Variants in KIRREL3 observed in about 807,000 individuals in gnomAD.
The protein encoded by KIRREL3 is kin of IRRE-like protein 3.
In KIRREL3, 36 loss-of-function variants were observed where a neutral mutation model predicts 89.7. The observed-to-expected ratio is 0.40, with a 90% confidence interval of 0.31 to 0.53. The LOEUF (loss-of-function observed/expected upper bound fraction) is 0.53, where lower values mean the gene tolerates loss of function less well. Among genes scored for constraint, KIRREL3 ranks in the 20% least tolerant of loss-of-function variants. The pLI, the probability that KIRREL3 is intolerant of heterozygous loss-of-function variation, is 0.49. For missense variants in KIRREL3, 864 were observed against 1,056.6 expected, an observed-to-expected ratio of 0.82 and a Z score of 2.53; for synonymous variants, 445 against 441.4, an observed-to-expected ratio of 1.01 and a Z score of -0.10.
At chr11:126,658,933 A>G (rs1373787264) in intron 1 of KIRREL3, among the ~76,000 whole-genome samples, 2 of 152,058 alleles carry the variant, frequency 1.3e-5, no homozygotes, top group Non-Finnish European at 2.9e-5. Context: ...CAAAGTGACA[A>G]CCCCATTTTA....
rs983290411 is a variant in KIRREL3 at position 126,477,211 on chromosome 11, G to A, written c.434-3745C>T. Among the ~76,000 whole-genome samples, 1 of 152,216 alleles carries A rather than the reference G, an allele frequency of 6.6e-6. No homozygotes were observed. The highest frequency in any genetic ancestry group is 1.5e-5 in the Non-Finnish European group (1 of 68,044). ...TTGATTATGAAAGAAACACATCATC[G>A]CGGGATGCTGAGCTCTTTACAGTTT... On this transcript the variant is annotated intron_variant, in intron 4 of 16. Transcript: ENST00000525144. This position sits in a 1 kb window ranked among gnomAD's most constrained non-coding sequence, Gnocchi z 4.8.
chr11:126,889,508 A>G (rs1945826911), intron 1 of KIRREL3, among the ~76,000 whole-genome samples: 1 of 152,152 alleles, frequency 6.6e-6, no homozygotes, highest in Non-Finnish European at 1.5e-5. Context: ...TGGAAAAAAA[A>G]AGGAGAAGAA....
intron 1 of KIRREL3, among the ~76,000 whole-genome samples, chr11:126,930,855 G>A (rs923011178): frequency 4.6e-5 from 7 of 152,300 alleles, no homozygotes; most frequent in African/African-American, 1.7e-4. Context: ...GCTCTTCAGA[G>A]TCTGCAGACA....
intron 1 of KIRREL3, among the ~76,000 whole-genome samples, chr11:126,902,626 G>A (rs1946417369): frequency 6.6e-6 from 1 of 152,240 alleles, no homozygotes; most frequent in South Asian, 2.1e-4. Flanking sequence ...ACAGAGAAGT[G>A]TGCGTCAAAG....
chr11:126,984,507 C>T (rs1949803233), intron 1 of KIRREL3, among the ~76,000 whole-genome samples: 1 of 152,132 alleles, frequency 6.6e-6, no homozygotes, highest in Non-Finnish European at 1.5e-5. Context: ...AAAAGGTTGC[C>T]CTGGGAAAAG....
Position 126,714,674 on chromosome 11 carries a change from T to C in KIRREL3, c.56-151762A>G, listed in dbSNP as rs547530778. Among the ~76,000 whole-genome samples, 160 of 152,284 alleles carry C rather than the reference T, an allele frequency of 1.1e-3. 2 individuals carry two copies. In the South Asian group the frequency reaches 0.024, roughly 23 times the overall value. ...GTTGCACGGTGGGCTGACTGCCAGTTGCACACAGTGGTATCTACATGATGA... is the reference window on the plus strand; with the variant it reads ...GTTGCACGGTGGGCTGACTGCCAGTCGCACACAGTGGTATCTACATGATGA... On this transcript the variant is annotated intron_variant, in intron 1 of 16. Transcript: ENST00000525144.
intron 1 of KIRREL3, among the ~76,000 whole-genome samples, chr11:126,920,942 C>T (rs1282203270): frequency 6.6e-6 from 1 of 152,188 alleles, no homozygotes; most frequent in Non-Finnish European, 1.5e-5. Flanking sequence ...CTGAATTATG[C>T]GATACCCAGA....
chr11:126,619,029 C>A (rs1943471753), intron 1 of KIRREL3, among the ~76,000 whole-genome samples: 2 of 151,730 alleles, frequency 1.3e-5, no homozygotes, highest in South Asian at 4.1e-4. Flanking sequence ...AGAAGCAAGC[C>A]CTTGAAAACA....
chr11:126,676,186 C>T lies in KIRREL3; in HGVS notation c.56-113274G>A, dbSNP rs1946179816. On this transcript the variant is annotated intron_variant, in intron 1 of 16. Coordinates refer to ENST00000525144, the MANE Select transcript of KIRREL3 (RefSeq NM_032531.4). The surrounding 1 kb of genome is among the most constrained non-coding windows in gnomAD (Gnocchi z 4.5). ...GAGAGACTTCATTAGAGATTACAAG[C>T]AGGGGTGTCATCAGCATCAAGGTGC... is the stretch of plus-strand genomic sequence containing the variant. Among the ~76,000 whole-genome samples the T allele has an allele frequency of 6.6e-6, 1 of 152,082 alleles. No individual in the cohort carries two copies. The highest frequency in any genetic ancestry group is 1.5e-5 in the Non-Finnish European group (1 of 68,026).
In KIRREL3 at chr11:126,817,658, A is replaced by G. The variant is rs768341699; in HGVS notation, c.55+182797T>C. Among the ~76,000 whole-genome samples the G allele has an allele frequency of 6.6e-6, 1 of 152,208 alleles. No homozygotes were observed. The highest frequency in any genetic ancestry group is 6.5e-5 in the Admixed American group (1 of 15,292). ...TTGTAAAATGACATGCAGAAGAGCA[A>G]TGAGACCAATGCCAGATCCCAGAGG... On this transcript the variant is annotated intron_variant, in intron 1 of 16. Transcript: ENST00000525144. The surrounding 1 kb of genome is among the most constrained non-coding windows in gnomAD (Gnocchi z 5.7).
rs1193735945 is a variant in KIRREL3, at chr11:126,904,139, C to T, written c.55+96316G>A. Among the ~76,000 whole-genome samples the T allele has an allele frequency of 6.6e-6, 1 of 152,168 alleles. No homozygotes were observed. The highest frequency in any genetic ancestry group is 2.4e-5 in the African/African-American group (1 of 41,438). ...TATGAAGATGGCATAGAAAAAACTG[C>T]CTCACTCTAAGAGAACCATACCCTT... On this transcript the variant is annotated intron_variant, in intron 1 of 16. Coordinates refer to ENST00000525144, the MANE Select transcript of KIRREL3 (RefSeq NM_032531.4). This position sits in a 1 kb window ranked among gnomAD's most constrained non-coding sequence, Gnocchi z 4.4.
chr11:126,596,588 G>A (rs866234732), intron 1 of KIRREL3, among the ~76,000 whole-genome samples: 3 of 152,250 alleles, frequency 2.0e-5, no homozygotes, highest in Non-Finnish European at 4.4e-5. Context: ...ATCTGATGTG[G>A]CTAGGTAATG....
intron 1 of KIRREL3, among the ~76,000 whole-genome samples, chr11:126,881,576 C>A (rs1365549705): frequency 1.3e-5 from 2 of 152,192 alleles, no homozygotes; most frequent in African/African-American, 4.8e-5. Flanking sequence ...GAGACAGAGT[C>A]TCACTCTGTC....
intron 1 of KIRREL3, among the ~76,000 whole-genome samples, chr11:126,986,105 C>A (rs1206330043): frequency 1.3e-5 from 2 of 152,120 alleles, no homozygotes; most frequent in Admixed American, 6.5e-5. Context: ...AGGGTGTACA[C>A]GGCATCCACT....
In KIRREL3 at chr11:126,932,360, G is replaced by T. The variant is rs116577894; in HGVS notation, c.55+68095C>A. ...GTGTCTTTACGGAGGTTTTCGGCCC[G>T]CACAGAAAGGGCAAAGCTCAATGCA... On this transcript the variant is annotated intron_variant, in intron 1 of 16. Coordinates refer to ENST00000525144, the MANE Select transcript of KIRREL3 (RefSeq NM_032531.4). Among the ~76,000 whole-genome samples, 1,034 of 152,022 alleles carry T rather than the reference G, an allele frequency of 6.8e-3. 11 individuals carry two copies. The highest frequency in any genetic ancestry group is 0.024 in the African/African-American group (981 of 41,468).
Position 126,768,573 on chromosome 11 carries a change from C to T in KIRREL3, c.56-205661G>A, listed in dbSNP as rs185280362. 4.1e-4 allele frequency among the ~76,000 whole-genome samples: 62 copies of T among 152,300 alleles called. No individual in the cohort carries two copies. Among genetic ancestry groups the T allele is most frequent in the African/African-American group, 1.4e-3 (58 of 41,566 alleles). On this transcript the variant is annotated intron_variant, in intron 1 of 16. Coordinates refer to ENST00000525144, the MANE Select transcript of KIRREL3 (RefSeq NM_032531.4). The surrounding 1 kb of genome is among the most constrained non-coding windows in gnomAD (Gnocchi z 4.5). ...AAGAAAAACAGGGGCATGAGCTAGACAGGGACTGGAGGTGGGTTGGAGGAC... is the reference window on the plus strand; with the variant it reads ...AAGAAAAACAGGGGCATGAGCTAGATAGGGACTGGAGGTGGGTTGGAGGAC...
intron 1 of KIRREL3, among the ~76,000 whole-genome samples, chr11:126,632,792 A>T (rs904415046): frequency 4.5e-5 from 2 of 44,218 alleles, no homozygotes; most frequent in Non-Finnish European, 9.0e-5. Flanking sequence ...GTCTAAACTT[A>T]AAAAAAAAAA....
intron 1 of KIRREL3, among the ~76,000 whole-genome samples, chr11:126,967,122 T>C (rs559174417): frequency 6.6e-6 from 1 of 152,298 alleles, no homozygotes; most frequent in East Asian, 1.9e-4. Context: ...AGCTCAATGT[T>C]TGTACAACCT....
rs180997717 is a variant in KIRREL3 at position 126,783,925 on chromosome 11, C to A, written c.55+216530G>T. On this transcript the variant is annotated intron_variant, in intron 1 of 16. Coordinates refer to ENST00000525144, the MANE Select transcript of KIRREL3 (RefSeq NM_032531.4). The surrounding 1 kb of genome is among the most constrained non-coding windows in gnomAD (Gnocchi z 4.3). Reference sequence around the variant, plus strand: ...TGATGTGCCATGTTGATAGCACACACCCTTGATAGGATACGATGGAAACAG... The same window carrying A: ...TGATGTGCCATGTTGATAGCACACAACCTTGATAGGATACGATGGAAACAG... Among the ~76,000 whole-genome samples the A allele has an allele frequency of 6.6e-6, 1 of 152,310 alleles. No homozygotes were observed. Among genetic ancestry groups the A allele is most frequent in the African/African-American group, 2.4e-5 (1 of 41,554 alleles).
Sources: gnomAD v4.1 joint callset for allele counts (sites outside exome capture counted in the v4.1 genomes callset) on GRCh38, gnomAD v4.1.1 for gene constraint, Gnocchi (gnomAD v3.1) non-coding constraint, MANE v1.5 for transcripts, NCBI Gene and HGNC (gene_info 2026-07-23, HGNC 2026-07-21) for gene names.